Variants in C8B observed in about 807,000 individuals in gnomAD.
C8B encodes the protein complement component C8 beta chain.
Under a neutral mutation model 64.6 loss-of-function variants are expected in C8B, and 67 were observed. That is an observed-to-expected ratio of 1.04 (90% CI 0.85 to 1.27). The LOEUF (loss-of-function observed/expected upper bound fraction) is 1.27, where lower values mean the gene tolerates loss of function less well. Among genes scored for constraint, C8B ranks in the 50% most tolerant of loss-of-function variants. C8B has a pLI of 0.00. For synonymous variants in C8B, 284 were observed against 257.7 expected (o/e 1.10, Z -0.98); for missense variants, 790 against 725.2 (o/e 1.09, Z -1.03).
chr1:56,934,119 C>T (rs1644741726), intron 9 of C8B, among the ~76,000 whole-genome samples: 1 of 151,436 alleles, frequency 6.6e-6, no homozygotes, highest in African/African-American at 2.4e-5. Flanking sequence ...TTTTTTATTG[C>T]TCCTTTATAG....
intron 9 of C8B, among the ~76,000 whole-genome samples, chr1:56,935,197 T>C (rs1026909994): frequency 6.6e-6 from 1 of 152,220 alleles, no homozygotes; most frequent in Non-Finnish European, 1.5e-5. Flanking sequence ...ATTATTCCCA[T>C]TTACAGTCTC....
At position 56,937,624 on chromosome 1, in the gene C8B, T is replaced by A. The variant is rs1038408783; in HGVS notation, c.1398+3225A>T. Among the ~76,000 whole-genome samples, 11 of 152,188 alleles carry A rather than the reference T, an allele frequency of 7.2e-5. 1 individual carries two copies. Among genetic ancestry groups the A allele is most frequent in the African/African-American group, 2.7e-4 (11 of 41,450 alleles). ...AGACTTTGTGACTAGGATTACCAGTTAAAGACAGGCCATTCAGTTATATTT... is the reference window on the plus strand; with the variant it reads ...AGACTTTGTGACTAGGATTACCAGTAAAAGACAGGCCATTCAGTTATATTT... On this transcript the variant is annotated intron_variant, in intron 9 of 11. Transcript: ENST00000371237.
At position 56,960,048 on chromosome 1, in the gene C8B, G is replaced by C. The variant is rs1320705957; in HGVS notation, c.221C>G (p.Thr74Ser). The C allele has an allele frequency of 2.5e-6, 4 of 1,614,022 alleles. 1 individual carries two copies. In the Admixed American group the frequency reaches 5.0e-5, roughly 20 times the overall value. ...DCELSSWSSW[T>S]TCDPCQKKRY... is the part of the protein sequence containing the mutation. ...TTTCTTCTGACAGGGGTCACATGTG[G>C]TCCAAGAGGACCAACTAGACAGCTC... The change falls in exon 2 of 12, where the codon ACC (threonine) becomes AGC (serine). Residue 74 changes from threonine to serine, a missense_variant. Transcript: ENST00000371237.
intron 8 of C8B, among the ~76,000 whole-genome samples, chr1:56,941,291 G>A (rs907639373): frequency 1.3e-5 from 2 of 152,150 alleles, no homozygotes; most frequent in Non-Finnish European, 2.9e-5. Flanking sequence ...ATGGAAGATA[G>A]ATGATAGCTA....
chr1:56,951,915 C>G (rs1484865103), intron 5 of C8B, 133 bp downstream of exon 5: 4 of 916,426 alleles, frequency 4.4e-6, no homozygotes, highest in Non-Finnish European at 7.0e-6. Flanking sequence ...GAGGAAGGAA[C>G]TGCCCATTTT....
At chr1:56,964,260 T>C (rs545904645) in intron 1 of C8B, among the ~76,000 whole-genome samples, 1 of 152,148 alleles carries the variant, frequency 6.6e-6, no homozygotes, top group East Asian at 1.9e-4. Flanking sequence ...CTAATATATA[T>C]ATTTGATCGT....
intron 7 of C8B, among the ~76,000 whole-genome samples, chr1:56,944,690 C>G (rs1395822709): frequency 6.6e-6 from 1 of 152,104 alleles, no homozygotes; most frequent in Non-Finnish European, 1.5e-5. Flanking sequence ...AATGATTAAG[C>G]CCTTTTATGT....
intron 5 of C8B, 58 bp downstream of exon 5, chr1:56,951,990 C>G (rs1469305881): frequency 8.8e-6 from 10 of 1,142,118 alleles, no homozygotes; most frequent in Admixed American, 1.9e-5. Flanking sequence ...GGACCATGGA[C>G]CCTGCTAACT....
chr1:56,957,517 TTTAAA>T (rs1455385500), intron 2 of C8B, among the ~76,000 whole-genome samples: 1 of 152,212 alleles, frequency 6.6e-6, no homozygotes, highest in East Asian at 1.9e-4. Flanking sequence ...AGTTATGAAG[TTTAAA>T]TTATATAATC....
chr1:56,941,026 A>C lies in C8B; in HGVS notation c.1235-14T>G. On this transcript the variant is annotated splice_polypyrimidine_tract_variant and intron_variant, in intron 8 of 11. Coordinates refer to ENST00000371237, the MANE Select transcript of C8B (RefSeq NM_000066.4). ...TCTTGTTTCTGTCTGGAATGGACAC[A>C]GAGCTAGCAGGTCACAGAAGATATC... The C allele has an allele frequency of 6.2e-7, 1 of 1,613,856 alleles. No homozygotes were observed. Among genetic ancestry groups the C allele is most frequent in the Middle Eastern group, 1.7e-4 (1 of 6,058 alleles).
Position 56,960,097 on chromosome 1 carries a change from C to T in C8B, c.172G>A (p.Val58Ile). The T allele has an allele frequency of 1.2e-6, 2 of 1,614,128 alleles. No homozygotes were observed. The highest frequency in any genetic ancestry group is 1.3e-5 in the African/African-American group (1 of 75,040). ...TCACAATCAATGGGCATCAGGGTAA[C>T]ATCCACACTCCGCATCTGTCTGCTC... ...AKSRQMRSVD[V>I]TLMPIDCELS... is the part of the protein sequence containing the mutation. The change falls in exon 2 of 12, where the codon GTT becomes ATT. Residue 58 changes from valine (V) to isoleucine (I), a missense_variant. Transcript: ENST00000371237.
chr1:56,962,647 G>A (rs1207392801), intron 1 of C8B, among the ~76,000 whole-genome samples: 1 of 152,168 alleles, frequency 6.6e-6, no homozygotes, highest in African/African-American at 2.4e-5. Context: ...CATCCAGATT[G>A]GCAGTTGTTC....
At chr1:56,933,637 T>C in intron 9 of C8B, 149 bp from the exon 10 acceptor site, 1 of 730,086 alleles carries the variant, frequency 1.4e-6, no homozygotes, top group South Asian at 1.5e-5. Flanking sequence ...ATCTTCTCTC[T>C]GCTTCCCCTT....
chr1:56,947,513 G>A (rs1319924693), intron 6 of C8B, among the ~76,000 whole-genome samples: 3 of 152,062 alleles, frequency 2.0e-5, no homozygotes, highest in African/African-American at 7.2e-5. Flanking sequence ...CTTTGCCATT[G>A]CCTCCAATCT....
intron 5 of C8B, 132 bp downstream of exon 5, chr1:56,951,916 T>A: frequency 1.1e-6 from 1 of 924,630 alleles, no homozygotes; most frequent in Non-Finnish European, 1.7e-6. Context: ...AGGAAGGAAC[T>A]GCCCATTTTC....
chr1:56,946,588 G>A (rs1017639663), intron 6 of C8B, among the ~76,000 whole-genome samples: 1 of 152,132 alleles, frequency 6.6e-6, no homozygotes, highest in Non-Finnish European at 1.5e-5. Context: ...ACTTACATAC[G>A]GTTTACAACT....
chr1:56,963,596 T>A (rs927212), intron 1 of C8B, among the ~76,000 whole-genome samples: 2 of 104,006 alleles, frequency 1.9e-5, no homozygotes, highest in African/African-American at 8.4e-5. Flanking sequence ...TGGTGGGGGG[T>A]GGGGAGGGGA....
At chr1:56,934,164 C>CTTTTTT (rs60467453) in intron 9 of C8B, among the ~76,000 whole-genome samples, 4 of 143,414 alleles carry the variant, frequency 2.8e-5, no homozygotes, top group African/African-American at 5.2e-5. Context: ...GTGCAGGGTC[C>CTTTTTT]TTTTTTTTTT....
At chr1:56,947,914 G>C (rs890833262) in intron 6 of C8B, among the ~76,000 whole-genome samples, 4 of 151,902 alleles carry the variant, frequency 2.6e-5, no homozygotes, top group Admixed American at 2.0e-4. Flanking sequence ...CTGGGCAACA[G>C]AGCAAGACTC....
Sources: gnomAD v4.1 joint callset for allele counts (sites outside exome capture counted in the v4.1 genomes callset) on GRCh38, gnomAD v4.1.1 for gene constraint, MANE v1.5 for transcripts, NCBI Gene and HGNC (gene_info 2026-07-23, HGNC 2026-07-21) for gene names.